GRIK2: variants seen among roughly 807,000 people sequenced by gnomAD.
The protein encoded by GRIK2 is glutamate ionotropic receptor kainate type subunit 2.
In GRIK2, 32 loss-of-function variants were observed where a neutral mutation model predicts 100.3. That is an observed-to-expected ratio of 0.32 (90% CI 0.24 to 0.43). The LOEUF (loss-of-function observed/expected upper bound fraction) is 0.43, where lower values mean the gene tolerates loss of function less well. Ranked by LOEUF, GRIK2 falls within the 20% of genes least tolerant of loss-of-function variation. The pLI is 1.00. For missense variants in GRIK2, 843 were observed against 1,114.9 expected, an observed-to-expected ratio of 0.76 and a Z score of 3.47; for synonymous variants, 417 against 389.4, an observed-to-expected ratio of 1.07 and a Z score of -0.83.
Position 101,837,805 on chromosome 6 carries a change from G to A in GRIK2, c.1317+19322G>A, listed in dbSNP as rs117762504. ...ACCTCTGAACACGGACTTTTGTTGGGGAGAAGAATGAAATATTTCTTGTAC... is the reference window on the plus strand; with the variant it reads ...ACCTCTGAACACGGACTTTTGTTGGAGAGAAGAATGAAATATTTCTTGTAC... On this transcript the variant is annotated intron_variant, in intron 10 of 16. Coordinates refer to ENST00000369134, the MANE Select transcript of GRIK2 (RefSeq NM_021956.5). Among the ~76,000 whole-genome samples, 1,489 of 152,162 alleles carry A rather than the reference G, an allele frequency of 9.8e-3. 4 individuals are homozygous for A. The highest frequency in any genetic ancestry group is 0.016 in the Non-Finnish European group (1,120 of 68,002).
At position 101,636,298 on chromosome 6, in the gene GRIK2, C is replaced by T. The variant is rs556077643; in HGVS notation, c.541+9661C>T. On this transcript the variant is annotated intron_variant, in intron 4 of 16. Transcript: ENST00000369134. ...TTCTCAGTCATAAGTGGGAGTTGAACGATGAGAACACATGGACACAGAGGG... is the reference window on the plus strand; with the variant it reads ...TTCTCAGTCATAAGTGGGAGTTGAATGATGAGAACACATGGACACAGAGGG... Among the ~76,000 whole-genome samples the T allele has an allele frequency of 9.9e-5, 15 of 152,086 alleles. No homozygotes were observed. The South Asian group carries it at 2.3e-3, about 23-fold the overall frequency.
intron 6 of GRIK2, among the ~76,000 whole-genome samples, chr6:101,685,802 A>T (rs1771639273): frequency 6.6e-6 from 1 of 152,140 alleles, no homozygotes; most frequent in Non-Finnish European, 1.5e-5. Flanking sequence ...AATTAAAAAC[A>T]GCAATAACCA....
chr6:101,931,344 C>T (rs1467111524), intron 14 of GRIK2, among the ~76,000 whole-genome samples: 11 of 152,048 alleles, frequency 7.2e-5, no homozygotes, highest in Non-Finnish European at 1.2e-4. Flanking sequence ...AGGAAGCATC[C>T]CTAAGACATT....
chr6:101,807,098 C>T (rs1401737904), intron 9 of GRIK2, among the ~76,000 whole-genome samples: 1 of 151,962 alleles, frequency 6.6e-6, no homozygotes, highest in Non-Finnish European at 1.5e-5. Flanking sequence ...AGAACGCTTA[C>T]TCAAGTGTCT....
intron 10 of GRIK2, among the ~76,000 whole-genome samples, chr6:101,824,923 A>G (rs573313494): frequency 3.9e-4 from 60 of 152,296 alleles, no homozygotes; most frequent in African/African-American, 1.4e-3. Context: ...AAGTGACCGA[A>G]TTATCCCCTA....
rs1223616940 is a variant in GRIK2 at position 102,055,382 on chromosome 6, A to G, written c.2364A>G (p.Glu788=). 3 of 1,612,234 alleles carry G rather than the reference A, an allele frequency of 1.9e-6. No homozygotes were observed. The highest frequency in any genetic ancestry group is 1.7e-6 in the Non-Finnish European group (2 of 1,178,372). The change falls in exon 16 of 17, where the codon GAA becomes GAG. Residue 788 remains glutamate (E), a synonymous_variant. Transcript: ENST00000369134. The part of the protein sequence containing the change: ...ITIAILQLQE[E]GKLHMMKEKW... ...TAGCAATTCTTCAGCTGCAAGAGGAAGGCAAACTGCATATGATGAAGGAGA... is the reference window on the plus strand; with the variant it reads ...TAGCAATTCTTCAGCTGCAAGAGGAGGGCAAACTGCATATGATGAAGGAGA...
intron 7 of GRIK2, among the ~76,000 whole-genome samples, chr6:101,765,037 T>C (rs1777959314): frequency 6.6e-6 from 1 of 152,150 alleles, no homozygotes; most frequent in South Asian, 2.1e-4. Context: ...CTCAACACTG[T>C]CTTGTTGTCT....
intron 2 of GRIK2, among the ~76,000 whole-genome samples, chr6:101,608,091 A>G (rs1779513412): frequency 1.3e-5 from 2 of 152,002 alleles, no homozygotes; most frequent in South Asian, 2.1e-4. Context: ...TATACAAATA[A>G]TGTAGCAATT....
chr6:101,730,970 G>A lies in GRIK2; in HGVS notation c.951+44617G>A, dbSNP rs190871289. 1.9e-3 allele frequency among the ~76,000 whole-genome samples: 283 copies of A among 151,992 alleles called. 1 individual carries two copies. Among genetic ancestry groups the A allele is most frequent in the Non-Finnish European group, 3.2e-3 (214 of 67,860 alleles). On this transcript the variant is annotated intron_variant, in intron 7 of 16. Transcript: ENST00000369134. ...ACTGCGATTTACTTGAATGTTAGTC[G>A]TCAAAGTGATATCAAATCTTATCAC...
chr6:101,571,503 G>A (rs1777530516), intron 2 of GRIK2, among the ~76,000 whole-genome samples: 1 of 151,950 alleles, frequency 6.6e-6, no homozygotes, highest in Middle Eastern at 3.2e-3. Context: ...TGATGAGTTT[G>A]CATTAATTTT....
intron 2 of GRIK2, among the ~76,000 whole-genome samples, chr6:101,544,870 C>T (rs982476624): frequency 6.6e-6 from 1 of 152,156 alleles, no homozygotes; most frequent in Non-Finnish European, 1.5e-5. Context: ...TTACAATCTG[C>T]CAATTTCTTC....
chr6:102,035,258 G>A, intron 14 of GRIK2, 83 bp from the exon 15 acceptor site: 1 of 607,780 alleles, frequency 1.6e-6, no homozygotes, highest in Non-Finnish European at 3.0e-6. Context: ...AGTAAATGTA[G>A]TTCATTGTGT....
Position 101,868,606 on chromosome 6 carries a change from G to GCAAATCTAAACAGAGCAAATCTAAATT in GRIK2, c.1524+9115_1524+9116insAATCTAAACAGAGCAAATCTAAATTCA, listed in dbSNP as rs1284733845. ...TTTTAAAGGTGATATTTTCTTTAGAGCATAGAGCAAATCTAAACAGAAAGA... is the reference window on the plus strand; with the variant it reads ...TTTTAAAGGTGATATTTTCTTTAGAGCAAATCTAAACAGAGCAAATCTAAATTCATAGAGCAAATCTAAACAGAAAGA... On this transcript the variant is annotated intron_variant, in intron 11 of 16. Coordinates refer to ENST00000369134, the MANE Select transcript of GRIK2 (RefSeq NM_021956.5). Among the ~76,000 whole-genome samples the GCAAATCTAAACAGAGCAAATCTAAATT allele has an allele frequency of 1.1e-3, 165 of 151,408 alleles. 3 individuals carry two copies. Among genetic ancestry groups the GCAAATCTAAACAGAGCAAATCTAAATT allele is most frequent in the African/African-American group, 3.7e-3 (154 of 41,236 alleles).
chr6:102,019,609 G>A (rs998379355), intron 14 of GRIK2, among the ~76,000 whole-genome samples: 3 of 151,918 alleles, frequency 2.0e-5, no homozygotes, highest in African/African-American at 7.3e-5. Context: ...CTTTCTTTGT[G>A]TCAATCTATA....
chr6:101,715,562 A>G (rs1223618782), intron 7 of GRIK2, among the ~76,000 whole-genome samples: 1 of 151,820 alleles, frequency 6.6e-6, no homozygotes, highest in African/African-American at 2.4e-5. Context: ...TTAAAGATCA[A>G]ACCAACATCT....
At chr6:101,935,489 G>T (rs1053597712) in intron 14 of GRIK2, among the ~76,000 whole-genome samples, 2 of 151,944 alleles carry the variant, frequency 1.3e-5, no homozygotes, top group East Asian at 1.9e-4. Context: ...CTATCATGGG[G>T]ATTGAAAGCA....
At chr6:101,672,128 A>G (rs1209847880) in intron 4 of GRIK2, among the ~76,000 whole-genome samples, 1 of 152,156 alleles carries the variant, frequency 6.6e-6, no homozygotes, top group African/African-American at 2.4e-5. Context: ...GGTGATTTTG[A>G]GTGGCGGTTT....
At chr6:101,757,435 A>G (rs1562361516) in intron 7 of GRIK2, among the ~76,000 whole-genome samples, 1 of 152,210 alleles carries the variant, frequency 6.6e-6, no homozygotes, top group East Asian at 1.9e-4. Context: ...TGATAATAAT[A>G]ACTATGTTTT....
intron 7 of GRIK2, among the ~76,000 whole-genome samples, chr6:101,796,715 A>G (rs758935911): frequency 2.2e-4 from 33 of 152,254 alleles, no homozygotes; most frequent in South Asian, 6.2e-4. Context: ...TCAAGGATTT[A>G]TATTTTATTG....
Sources: allele counts gnomAD v4.1 joint callset (sites outside exome capture counted in the v4.1 genomes callset), GRCh38; gene constraint gnomAD v4.1.1; transcripts MANE v1.5; gene names NCBI Gene and HGNC (gene_info 2026-07-23, HGNC 2026-07-21).